KDM5D: variants seen among roughly 807,000 people sequenced by gnomAD.
The protein encoded by KDM5D is lysine demethylase 5D.
A neutral mutation model predicts 31.9 loss-of-function variants in KDM5D; 25 were observed. The observed-to-expected ratio is 0.78, with a 90% CI of 0.57 to 1.09. KDM5D has a LOEUF of 1.09. KDM5D is among the 50% of genes least tolerant of loss of function. KDM5D has a pLI of 0.00. For synonymous variants in KDM5D, 146 were observed against 122.3 expected, an observed-to-expected ratio of 1.19 and a Z score of -1.28; for missense variants, 366 against 341.6, an observed-to-expected ratio of 1.07 and a Z score of -0.56.
At chrY:19,727,763 AG>A (rs2045444307) in intron 11 of KDM5D, among the ~76,000 whole-genome samples, 1 of 33,176 alleles carries the variant, frequency 3.0e-5, no homozygotes, top group South Asian at 6.6e-4. Flanking sequence ...GAGCAGAAAA[AG>A]GTTTTCAATA....
rs2032645 is a variant in KDM5D, at chrY:19,738,963, A to G, written c.657+565T>C. On this transcript the variant is annotated intron_variant, in intron 6 of 26. Coordinates refer to ENST00000317961, the MANE Select transcript of KDM5D (RefSeq NM_004653.5). ...CTTTTCTTATTCCTGCTTCTTCTGC[A>G]TATCCAAGATAGGTTTTCCTCTCTA... 1.8e-3 allele frequency among the ~76,000 whole-genome samples: 60 copies of G among 33,357 alleles called. No individual in the cohort carries two copies. The East Asian group carries it at 0.047, about 26-fold the overall frequency. 89.5% of individuals were successfully genotyped at this position (33,357 alleles called of 37,273 possible).
Position 19,705,226 on chromosome Y carries a change from G to C in KDM5D, c.*769C>G. The C allele has an allele frequency of 6.0e-5, 2 of 33,499 alleles. No homozygotes were observed. Among genetic ancestry groups the C allele is most frequent in the Admixed American group, 5.4e-4 (2 of 3,717 alleles). 8.4% of individuals were successfully genotyped at this position (33,499 alleles called of 400,897 possible). On this transcript the variant is annotated 3_prime_UTR_variant, in exon 27 of 27. Transcript: ENST00000317961. ...TAGGACAGGTAAGTTTTCTATTGCT[G>C]GTGCTGGGTCAACTGGACATCCTTT...
At chrY:19,741,916 T>A in intron 3 of KDM5D, 59 bp from the exon 4 acceptor site, 1 of 277,593 alleles carries the variant, frequency 3.6e-6, no homozygotes, top group Non-Finnish European at 5.3e-6. Context: ...TCATCGAGTA[T>A]GCAGTAAATG....
chrY:19,726,350 T>C, intron 11 of KDM5D, among the ~76,000 whole-genome samples: 1 of 33,882 alleles, frequency 3.0e-5, no homozygotes, highest in African/African-American at 1.2e-4. Context: ...ATATACACCA[T>C]GGAATACTTT....
chrY:19,710,581 T>G (rs2045290751), intron 18 of KDM5D, 109 bp from the exon 19 acceptor site: 1 of 190,187 alleles, frequency 5.3e-6, no homozygotes, highest in Non-Finnish European at 9.6e-6. Context: ...AAGGTTTTTT[T>G]CTAAGTTCAG....
rs774523231 is a variant in KDM5D at position 19,709,551 on chromosome Y, C to T, written c.2842G>A (p.Ala948Thr). 6 of 398,874 alleles carry T rather than the reference C, an allele frequency of 1.5e-5. No individual in the cohort carries two copies. The highest frequency in any genetic ancestry group is 1.5e-4 in the South Asian group (5 of 33,730). The change falls in exon 20 of 27, where the codon GCC (alanine) becomes ACC (threonine). Residue 948 changes from alanine to threonine, a missense_variant. Transcript: ENST00000317961. ...GCCTTGTCCACAGAAGGGCTGGAGGCTATCTTGGCACCCATAACCAAAAGC... is the reference window on the plus strand; with the variant it reads ...GCCTTGTCCACAGAAGGGCTGGAGGTTATCTTGGCACCCATAACCAAAAGC... Reference protein sequence around the residue: ...QGLLVMGAKIASSPSVDKARA... With the variant: ...QGLLVMGAKITSSPSVDKARA...
chrY:19,741,379 C>T lies in KDM5D; in HGVS notation c.461G>A (p.Arg154Gln). Residue 154 changes from arginine (R) to glutamine (Q), a missense_variant, in exon 5 of 27, where the codon CGA becomes CAA. Arg to Gln is a conservative substitution (Grantham distance 43). Transcript: ENST00000317961. ...GTAAATAATGCGTTCGTAATGTGAT[C>T]GTAGCAGGGAGCCAATGTTTTTGCC... ...PPGKNIGSLL[R>Q]SHYERIIYPY... 1 of 397,620 alleles carries T rather than the reference C, an allele frequency of 2.5e-6. No homozygotes were observed. The highest frequency in any genetic ancestry group is 3.5e-6 in the Non-Finnish European group (1 of 282,425).
At chrY:19,720,072 TA>T in intron 13 of KDM5D, among the ~76,000 whole-genome samples, 1 of 31,788 alleles carries the variant, frequency 3.1e-5, no homozygotes, top group South Asian at 7.3e-4. Context: ...AAGGCAACTA[TA>T]AAAAAAATAT....
Position 19,708,991 on chromosome Y carries a change from A to G in KDM5D, c.2965T>C (p.Leu989=), listed in dbSNP as rs1405899482. 4 of 398,458 alleles carry G rather than the reference A, an allele frequency of 1.0e-5. No individual in the cohort carries two copies. Among genetic ancestry groups the G allele is most frequent in the Non-Finnish European group, 1.4e-5 (4 of 283,034 alleles). The change falls in exon 21 of 27, where the codon TTG becomes CTG. Residue 989 remains leucine (L), a synonymous_variant. Transcript: ENST00000317961. ...EARQKHPPAT[L]EAIIRETENI... ...TCTGTCTCACGAATTATGGCTTCCA[A>G]TGTGGCTGGTGGATGCTTCTGCCTA...
chrY:19,731,736 C>T, intron 11 of KDM5D, 36 bp downstream of exon 11: 4 of 352,305 alleles, frequency 1.1e-5, no homozygotes, highest in Non-Finnish European at 1.7e-5. Context: ...ATGAGTTTCC[C>T]TAGTTAATGT....
intron 19 of KDM5D, 182 bp from the exon 20 acceptor site, chrY:19,709,991 A>AT (rs2045284201): frequency 2.9e-6 from 1 of 340,897 alleles, no homozygotes; most frequent in Non-Finnish European, 3.9e-6. Context: ...CTAGAATGAC[A>AT]TTTTTCTCCT....
chrY:19,735,417 A>C lies in KDM5D; in HGVS notation c.868T>G (p.Leu290Val). The change falls in exon 8 of 27, where the codon TTG becomes GTG. Residue 290 changes from leucine to valine, a missense_variant. Coordinates refer to ENST00000317961, the MANE Select transcript of KDM5D (RefSeq NM_004653.5). ...GTCTTAGTGCAGGGCTCTAGGCTCA[A>C]GTGCTGCTTGAGCAATGTTGATGAC... ...NVSSTLLKQHLSLEPCTKTTM... is the reference protein window; with the variant it reads ...NVSSTLLKQHVSLEPCTKTTM... 2.5e-6 allele frequency: 1 copy of C among 398,130 alleles called. No individual in the cohort carries two copies. The highest frequency in any genetic ancestry group is 3.5e-6 in the Non-Finnish European group (1 of 282,894).
chrY:19,744,587 G>A (rs2045585354), intron 1 of KDM5D, 34 bp from the exon 2 acceptor site: 1 of 287,926 alleles, frequency 3.5e-6, no homozygotes, highest in Non-Finnish European at 5.1e-6. Context: ...CTTTAATGAC[G>A]CGCTGGTTCC....
At position 19,706,635 on chromosome Y, in the gene KDM5D, C is replaced by T; in HGVS notation, c.4075G>A (p.Glu1359Lys). The stretch of plus-strand genomic sequence containing the variant: ...TGCGGCAACAGTGAGGACAGTAGCT[C>T]CAGGTCTGGGCGGAAGGTGGTGCGG... ...NMAPGKGSDL[E>K]LLSSLLPQLT... Residue 1359 changes from glutamate (E) to lysine (K), a missense_variant, in exon 26 of 27, where the codon GAG becomes AAG. Transcript: ENST00000317961. 2.5e-6 allele frequency: 1 copy of T among 398,474 alleles called. No homozygotes were observed. The highest frequency in any genetic ancestry group is 3.5e-6 in the Non-Finnish European group (1 of 283,288).
chrY:19,709,672 C>T lies in KDM5D; in HGVS notation c.2721G>A (p.Gln907=). The T allele has an allele frequency of 2.5e-6, 1 of 398,128 alleles. No individual in the cohort carries two copies. Among genetic ancestry groups the T allele is most frequent in the Non-Finnish European group, 3.5e-6 (1 of 283,200 alleles). ...GCGCCTGCTCCACCTGCTGCTGAAGCTGATGGGCTTCAGGCACCTCTACAC... is the reference window on the plus strand; with the variant it reads ...GCGCCTGCTCCACCTGCTGCTGAAGTTGATGGGCTTCAGGCACCTCTACAC... ...QLGVEVPEAH[Q]LQQQVEQAQW... is the part of the protein sequence containing the mutation. Residue 907 remains glutamine, a synonymous_variant, in exon 20 of 27, where the codon CAG becomes CAA. Coordinates refer to ENST00000317961, the MANE Select transcript of KDM5D (RefSeq NM_004653.5).
At chrY:19,712,833 C>T in intron 18 of KDM5D, among the ~76,000 whole-genome samples, 1 of 34,719 alleles carries the variant, frequency 2.9e-5, no homozygotes, top group African/African-American at 1.1e-4. Context: ...GAAAAGTTTA[C>T]AGAATGACAA....
chrY:19,713,680 C>T, intron 18 of KDM5D, among the ~76,000 whole-genome samples: 1 of 33,387 alleles, frequency 3.0e-5, no homozygotes, highest in African/African-American at 1.2e-4. Flanking sequence ...GAAAAAGTAA[C>T]TGCTATACAG....
chrY:19,742,577 C>A (rs755378637), intron 3 of KDM5D, among the ~76,000 whole-genome samples: 41 of 34,546 alleles, frequency 1.2e-3, no homozygotes, highest in African/African-American at 4.3e-3. Flanking sequence ...GTAACCCCAG[C>A]ACTTTAGGAG....
At chrY:19,736,693 TG>T (rs2045514382) in intron 6 of KDM5D, among the ~76,000 whole-genome samples, 1 of 33,154 alleles carries the variant, frequency 3.0e-5, no homozygotes, top group South Asian at 6.7e-4. Flanking sequence ...TTGACATTTC[TG>T]GGGTACCTTG....
Sources: allele counts gnomAD v4.1 joint callset (sites outside exome capture counted in the v4.1 genomes callset), GRCh38; gene constraint gnomAD v4.1.1; transcripts MANE v1.5; gene names NCBI Gene and HGNC (gene_info 2026-07-23, HGNC 2026-07-21).